Variants in BTBD8 observed in about 807,000 individuals in gnomAD.
BTBD8 encodes the protein BTB domain containing 8, also known as BTB/POZ domain-containing protein 8.
A neutral mutation model predicts 162.9 loss-of-function variants in BTBD8; 110 were observed. The observed-to-expected ratio is 0.68, with a 90% confidence interval of 0.58 to 0.79. The LOEUF (loss-of-function observed/expected upper bound fraction) is 0.79. BTBD8 is among the 30% of genes least tolerant of loss of function. The pLI, the probability that BTBD8 is intolerant of heterozygous loss-of-function variation, is 0.00. For synonymous variants in BTBD8, 667 were observed against 716.1 expected (o/e 0.93, Z 1.10); for missense variants, 1,905 against 2,085.4 (o/e 0.91, Z 1.68).
intron 2 of BTBD8, among the ~76,000 whole-genome samples, chr1:92,096,114 G>T (rs1648444714): frequency 6.6e-6 from 1 of 152,022 alleles, no homozygotes; most frequent in South Asian, 2.1e-4. Flanking sequence ...TGGGATTACA[G>T]GCTCCCACCA....
At chr1:92,121,010 GC>G (rs1239674330) in intron 4 of BTBD8, among the ~76,000 whole-genome samples, 1 of 152,088 alleles carries the variant, frequency 6.6e-6, no homozygotes, top group Non-Finnish European at 1.5e-5. Context: ...TGATCTGCCC[GC>G]CTCAGCCTCC....
At chr1:92,126,503 A>C in intron 4 of BTBD8, 2 of 494,070 alleles carry the variant, frequency 4.0e-6, no homozygotes, top group Non-Finnish European at 6.9e-6. Flanking sequence ...CCTCTCCTCA[A>C]TCCTCTTCAC....
At chr1:92,175,477 C>CAAAAAAAAAAAAAAA (rs71091265) in intron 13 of BTBD8, among the ~76,000 whole-genome samples, 25 of 37,456 alleles carry the variant, frequency 6.7e-4, no homozygotes, top group African/African-American at 2.4e-3. Flanking sequence ...GACTCCATCT[C>CAAAAAAAAAAAAAAA]AAAAAAAAAA....
At chr1:92,110,806 G>A (rs1364827899) in intron 4 of BTBD8, among the ~76,000 whole-genome samples, 2 of 152,080 alleles carry the variant, frequency 1.3e-5, no homozygotes, top group Non-Finnish European at 2.9e-5. Flanking sequence ...GCCTCCCAAA[G>A]TGCTGGGATT....
In BTBD8 at chr1:92,182,139, T is replaced by A; in HGVS notation, c.4456T>A (p.Ser1486Thr). ...SHEHHGRTCY[S>T]RFSRESEDNI... ...TGAACATCATGGAAGGACCTGCTATTCCAGATTCTCACGAGAAAGTGAAGA... is the reference window on the plus strand; with the variant it reads ...TGAACATCATGGAAGGACCTGCTATACCAGATTCTCACGAGAAAGTGAAGA... The change falls in exon 17 of 18, where the codon TCC becomes ACC. Residue 1486 changes from serine to threonine, a missense_variant. Transcript: ENST00000636805. 1 of 1,551,262 alleles carries A rather than the reference T, an allele frequency of 6.4e-7. No homozygotes were observed. The highest frequency in any genetic ancestry group is 8.7e-7 in the Non-Finnish European group (1 of 1,146,764).
At chr1:92,173,163 G>T (rs1650602657) in intron 13 of BTBD8, among the ~76,000 whole-genome samples, 1 of 152,200 alleles carries the variant, frequency 6.6e-6, no homozygotes, top group Admixed American at 6.5e-5. Context: ...GACCTCAGGT[G>T]ATCTGCCCGC....
intron 4 of BTBD8, among the ~76,000 whole-genome samples, chr1:92,113,784 G>A (rs1285531498): frequency 4.0e-5 from 6 of 151,874 alleles, no homozygotes; most frequent in African/African-American, 7.3e-5. Flanking sequence ...AGGCCGAGGC[G>A]GGCGGATCAT....
chr1:92,088,838 A>G lies in BTBD8; in HGVS notation c.290A>G (p.Asn97Ser). The G allele has an allele frequency of 6.2e-7, 1 of 1,613,190 alleles. No homozygotes were observed. Among genetic ancestry groups the G allele is most frequent in the Non-Finnish European group, 8.5e-7 (1 of 1,179,472 alleles). Residue 97 changes from asparagine to serine, a missense_variant, in exon 2 of 18, where the codon AAT (asparagine) becomes AGT (serine). Physicochemically the swap from Asn to Ser is conservative, Grantham distance 46. Around this residue, in one of 3 missense-constraint regions of BTBD8, gnomAD observed 1,374 missense variants for 1,442.7 expected, o/e 0.95. Transcript: ENST00000636805. Reference sequence around the variant, plus strand: ...GGACAGACATCAAATAGTTTAACAAATCAGGAGCCTATTGCTGTGGAGAAT... The same window carrying G: ...GGACAGACATCAAATAGTTTAACAAGTCAGGAGCCTATTGCTGTGGAGAAT... ...TIGQTSNSLT[N>S]QEPIAVENVE... is the part of the protein sequence containing the mutation.
intron 9 of BTBD8, among the ~76,000 whole-genome samples, chr1:92,161,004 G>A (rs898336735): frequency 9.9e-5 from 15 of 152,166 alleles, no homozygotes; most frequent in African/African-American, 3.6e-4. Flanking sequence ...CTTCCCCAGG[G>A]AGAAGCTGGG....
chr1:92,084,751 T>G (rs545626923), intron 1 of BTBD8, among the ~76,000 whole-genome samples: 3 of 152,154 alleles, frequency 2.0e-5, no homozygotes, highest in Non-Finnish European at 2.9e-5. Context: ...GCCTGGTGCC[T>G]TCCCTACTGA....
chr1:92,099,511 A>T (rs1478412716), intron 2 of BTBD8, among the ~76,000 whole-genome samples: 1 of 151,570 alleles, frequency 6.6e-6, no homozygotes, highest in African/African-American at 2.4e-5. Context: ...TAACAATATT[A>T]AGTCATCTAA....
At chr1:92,108,285 T>C (rs568526398) in intron 4 of BTBD8, among the ~76,000 whole-genome samples, 1 of 152,382 alleles carries the variant, frequency 6.6e-6, no homozygotes, top group African/African-American at 2.4e-5. Flanking sequence ...ATCTATGTTC[T>C]GCATTGGGCA....
intron 2 of BTBD8, among the ~76,000 whole-genome samples, chr1:92,096,031 G>T (rs1648442756): frequency 6.6e-6 from 1 of 151,866 alleles, no homozygotes; most frequent in Admixed American, 6.6e-5. Flanking sequence ...GATGGCAGTG[G>T]CGTGATCTTG....
intron 9 of BTBD8, among the ~76,000 whole-genome samples, chr1:92,148,206 C>A (rs979161598): frequency 6.6e-6 from 1 of 152,132 alleles, no homozygotes; most frequent in Non-Finnish European, 1.5e-5. Flanking sequence ...TGTAAAAGGC[C>A]GTGCTTTGTT....
chr1:92,124,426 A>G (rs1321171601), intron 4 of BTBD8, among the ~76,000 whole-genome samples: 2 of 152,136 alleles, frequency 1.3e-5, no homozygotes, highest in Non-Finnish European at 2.9e-5. Context: ...CGTGTATCTC[A>G]TTTACTGCTG....
chr1:92,109,981 T>G (rs1415977725), intron 4 of BTBD8, among the ~76,000 whole-genome samples: 1 of 152,234 alleles, frequency 6.6e-6, no homozygotes, highest in African/African-American at 2.4e-5. Flanking sequence ...ATCAACATTT[T>G]TAAAACCTTA....
rs577432763 is a variant in BTBD8 at position 92,142,134 on chromosome 1, G to A, written c.930+923G>A. Among the ~76,000 whole-genome samples the A allele has an allele frequency of 1.6e-3, 239 of 152,200 alleles. No homozygotes were observed. In the South Asian group the frequency reaches 0.019, roughly 12 times the overall value. ...TTTACTGAGAAATAGTTAACCCCTC[G>A]GCTTCCTTTAACGAACCATTCACTT... On this transcript the variant is annotated intron_variant, in intron 7 of 17. Coordinates refer to ENST00000636805, the MANE Select transcript of BTBD8 (RefSeq NM_001376131.1).
At chr1:92,114,944 C>CA (rs1648994206) in intron 4 of BTBD8, 1 of 293,570 alleles carries the variant, frequency 3.4e-6, no homozygotes, top group African/African-American at 2.3e-5. Flanking sequence ...GAGTTGGTGT[C>CA]ACTGTTAAAG....
At chr1:92,086,257 G>A (rs774184073) in intron 1 of BTBD8, among the ~76,000 whole-genome samples, 5 of 152,022 alleles carry the variant, frequency 3.3e-5, no homozygotes, top group African/African-American at 7.3e-5. Flanking sequence ...ATTGTGGTGC[G>A]GCAGGGCAGC....
Sources: gnomAD v4.1 joint callset for allele counts (sites outside exome capture counted in the v4.1 genomes callset) on GRCh38, gnomAD v4.1.1 for gene constraint, gnomAD v4.1.1 regional missense constraint, MANE v1.5 for transcripts, NCBI Gene and HGNC (gene_info 2026-07-23, HGNC 2026-07-21) for gene names.